Variants in CCL13 observed in about 807,000 individuals in gnomAD.
CCL13 encodes the protein C-C motif chemokine 13.
Under a neutral mutation model 6.6 loss-of-function variants are expected in CCL13, and 5 were observed. The ratio of observed to expected loss-of-function variants is 0.76; its 90% CI spans 0.40 to 1.60. The LOEUF is 1.60. Among genes scored for constraint, CCL13 ranks in the 40% most tolerant of loss-of-function variants. The pLI is 0.02. For missense variants in CCL13, 117 were observed against 114.2 expected (o/e 1.02, Z -0.11); for synonymous variants, 39 against 43.0 (o/e 0.91, Z 0.37).
chr17:34,357,918 C>T (rs1910394521), intron 2 of CCL13, 108 bp from the exon 3 acceptor site: 1 of 719,822 alleles, frequency 1.4e-6, no homozygotes, highest in Non-Finnish European at 2.3e-6. Context: ...AGGGGTGCCC[C>T]TTCACCTGTA....
rs746851613 is a variant in CCL13, at chr17:34,356,501, G to A, written c.-26G>A. ...GAGCAGAGAGGCAAAGAAACATTGT[G>A]AAATCTCCAACTCTTAACCTTCAAC... On this transcript the variant is annotated 5_prime_UTR_variant, in exon 1 of 3. Transcript: ENST00000225844. 6.4e-7 allele frequency: 1 copy of A among 1,572,818 alleles called. No homozygotes were observed. Among genetic ancestry groups the A allele is most frequent in the South Asian group, 1.1e-5 (1 of 89,816 alleles).
intron 2 of CCL13, 85 bp downstream of exon 2, chr17:34,357,674 A>G: frequency 1.2e-6 from 1 of 825,864 alleles, no homozygotes; most frequent in East Asian, 2.4e-5. Context: ...GACAGACGTC[A>G]GACTGACTTG....
At position 34,358,004 on chromosome 17, in the gene CCL13, G is replaced by T. The variant is rs771707528; in HGVS notation, c.192-22G>T. 24 of 1,567,088 alleles carry T rather than the reference G, an allele frequency of 1.5e-5. No homozygotes were observed. Among genetic ancestry groups the T allele is most frequent in the Non-Finnish European group, 2.1e-5 (24 of 1,140,418 alleles). ...CCCTCAAAGGGTTCCATCTAACTGT[G>T]CCAGATCTCCTTCCTCCACAGCTTC... On this transcript the variant is annotated intron_variant, in intron 2 of 2. Coordinates refer to ENST00000225844, the MANE Select transcript of CCL13 (RefSeq NM_005408.3).
chr17:34,356,619 C>A lies in CCL13; in HGVS notation c.76+17C>A. The A allele has an allele frequency of 1.3e-6, 2 of 1,573,692 alleles. No homozygotes were observed. Among genetic ancestry groups the A allele is most frequent in the Non-Finnish European group, 1.7e-6 (2 of 1,143,536 alleles). On this transcript the variant is annotated intron_variant, in intron 1 of 2. Transcript: ENST00000225844. ...CTCAGCCAGGTAAGTCACCTCCCTT[C>A]GACTCTCCCTCTCTTTCCCTCTGTT...
At chr17:34,356,769 G>C (rs1045593529) in intron 1 of CCL13, among the ~76,000 whole-genome samples, 167 bp downstream of exon 1, 4 of 152,130 alleles carry the variant, frequency 2.6e-5, no homozygotes, top group African/African-American at 9.7e-5. Context: ...TCACCTCCCA[G>C]GTTCAAGCGA....
Position 34,358,179 on chromosome 17 carries a change from T to C in CCL13, c.*48T>C. 1 of 1,302,298 alleles carries C rather than the reference T, an allele frequency of 7.7e-7. No homozygotes were observed. The highest frequency in any genetic ancestry group is 1.1e-6 in the Non-Finnish European group (1 of 898,436). The allele number at this position is 1,302,298 out of a possible 1,614,324, so 80.7% of individuals were successfully genotyped here. On this transcript the variant is annotated 3_prime_UTR_variant, in exon 3 of 3. Transcript: ENST00000225844. ...CAAGCTGGAGTACGTGAAATGACTT[T>C]TCCATTCTCCTCTGGCCTCCTCTTC...
At position 34,356,537 on chromosome 17, in the gene CCL13, C is replaced by G; in HGVS notation, c.11C>G (p.Ser4Cys). The stretch of plus-strand genomic sequence containing the variant: ...CTCTTAACCTTCAACATGAAAGTCT[C>G]TGCAGTGCTTCTGTGCCTGCTGCTC... MKV[S>C]AVLLCLLLMT... The change falls in exon 1 of 3, where the codon TCT (serine) becomes TGT (cysteine). Residue 4 changes from serine to cysteine, a missense_variant. Ser to Cys is a moderately radical substitution (Grantham distance 112, BLOSUM62 -1). Transcript: ENST00000225844. 1 of 1,612,834 alleles carries G rather than the reference C, an allele frequency of 6.2e-7. No homozygotes were observed. The highest frequency in any genetic ancestry group is 8.5e-7 in the Non-Finnish European group (1 of 1,178,918).
In CCL13 at chr17:34,357,633, A is replaced by G. The variant is rs375617099; in HGVS notation, c.191+44A>G. 3.5e-5 allele frequency: 41 copies of G among 1,160,228 alleles called. No individual in the cohort carries two copies. The African/African-American group carries it at 6.0e-4, about 17-fold the overall frequency. The allele number at this position is 1,160,228 out of a possible 1,614,324, so 71.9% of individuals were successfully genotyped here. On this transcript the variant is annotated intron_variant, in intron 2 of 2. Transcript: ENST00000225844. Reference sequence around the variant, plus strand: ...GCTCACCTGGCTCCTCCCCACTCCCACATTCCCCAATCCAAAGTTCTGCCC... The same window carrying G: ...GCTCACCTGGCTCCTCCCCACTCCCGCATTCCCCAATCCAAAGTTCTGCCC...
Position 34,356,684 on chromosome 17 carries a change from C to G in CCL13, c.76+82C>G. 3 of 930,822 alleles carry G rather than the reference C, an allele frequency of 3.2e-6. No homozygotes were observed. In the South Asian group the frequency reaches 4.5e-5, roughly 14 times the overall value. The allele number at this position is 930,822 out of a possible 1,614,324, so 57.7% of individuals were successfully genotyped here. ...AGACCTAAGCCCGAGTGCTCCTCCA[C>G]TTTTTTTTTAGATTGAGTCTCATTA... On this transcript the variant is annotated intron_variant, in intron 1 of 2. Transcript: ENST00000225844.
intron 1 of CCL13, 82 bp downstream of exon 1, chr17:34,356,684 C>A: frequency 1.1e-6 from 1 of 930,822 alleles, no homozygotes; most frequent in Non-Finnish European, 1.7e-6. Context: ...TGCTCCTCCA[C>A]TTTTTTTTTA....
rs762590641 is a variant in CCL13 at position 34,357,793 on chromosome 17, G to A, written c.191+204G>A. ...ATTTCCCACACCTTGTTTCCTGGAT[G>A]GGCACCAGCCCACACCCTTTAGCAG... On this transcript the variant is annotated intron_variant, in intron 2 of 2. Coordinates refer to ENST00000225844, the MANE Select transcript of CCL13 (RefSeq NM_005408.3). Among the ~76,000 whole-genome samples, 152 of 152,326 alleles carry A rather than the reference G, an allele frequency of 1.0e-3. 1 individual carries two copies. Among genetic ancestry groups the A allele is most frequent in the Middle Eastern group, 3.4e-3 (1 of 294 alleles).
chr17:34,357,700 A>G (rs1257412793), intron 2 of CCL13, 111 bp downstream of exon 2: 3 of 723,488 alleles, frequency 4.1e-6, no homozygotes, highest in Non-Finnish European at 4.9e-6. Context: ...TTAGGATGAG[A>G]TCTAGCCAGA....
chr17:34,358,039 C>G lies in CCL13; in HGVS notation c.205C>G (p.Leu69Val). 6.2e-7 allele frequency: 1 copy of G among 1,612,702 alleles called. No homozygotes were observed. Among genetic ancestry groups the G allele is most frequent in the Non-Finnish European group, 8.5e-7 (1 of 1,179,452 alleles). The change falls in exon 3 of 3, where the codon CTG becomes GTG. Residue 69 changes from leucine (L) to valine (V), a missense_variant. By Grantham distance (32) the Leu-to-Val change is conservative. Coordinates refer to ENST00000225844, the MANE Select transcript of CCL13 (RefSeq NM_005408.3). Reference protein sequence around the residue: ...PQKAVIFRTKLGKEICADPKE... With the variant: ...PQKAVIFRTKVGKEICADPKE... ...CTTCCTCCACAGCTTCAGAACCAAACTGGGCAAGGAGATCTGTGCTGACCC... is the reference window on the plus strand; with the variant it reads ...CTTCCTCCACAGCTTCAGAACCAAAGTGGGCAAGGAGATCTGTGCTGACCC...
chr17:34,357,566 C>A lies in CCL13; in HGVS notation c.168C>A (p.Ser56Arg). The A allele has an allele frequency of 6.2e-7, 1 of 1,611,592 alleles. No individual in the cohort carries two copies. The highest frequency in any genetic ancestry group is 8.5e-7 in the Non-Finnish European group (1 of 1,177,786). Reference sequence around the variant, plus strand: ...TGAAGAGCTATGTGATCACCACCAGCAGGTGTCCCCAGAAGGCTGTCATGT... The same window carrying A: ...TGAAGAGCTATGTGATCACCACCAGAAGGTGTCCCCAGAAGGCTGTCATGT... Reference protein sequence around the residue: ...QRLKSYVITTSRCPQKAVIFR... With the variant: ...QRLKSYVITTRRCPQKAVIFR... The change falls in exon 2 of 3, where the codon AGC becomes AGA. Residue 56 changes from serine (S) to arginine (R), a missense_variant. Ser to Arg is a moderately radical substitution (Grantham distance 110). Transcript: ENST00000225844.
rs137918947 is a variant in CCL13, at chr17:34,358,073, A to T, written c.239A>T (p.Lys80Met). 58 of 1,614,044 alleles carry T rather than the reference A, an allele frequency of 3.6e-5. 1 individual carries two copies. The African/African-American group carries it at 5.9e-4, about 16-fold the overall frequency. Residue 80 changes from lysine (K) to methionine (M), a missense_variant, in exon 3 of 3, where the codon AAG becomes ATG. Physicochemically the swap from Lys to Met is moderately conservative, Grantham distance 95. Transcript: ENST00000225844. ...GAGATCTGTGCTGACCCAAAGGAGAAGTGGGTCCAGAATTATATGAAACAC... is the reference window on the plus strand; with the variant it reads ...GAGATCTGTGCTGACCCAAAGGAGATGTGGGTCCAGAATTATATGAAACAC... Reference protein sequence around the residue: ...GKEICADPKEKWVQNYMKHLG... With the variant: ...GKEICADPKEMWVQNYMKHLG...
chr17:34,357,994 A>G (rs1375084064), intron 2 of CCL13, 32 bp from the exon 3 acceptor site: 1 of 1,516,852 alleles, frequency 6.6e-7, no homozygotes, highest in South Asian at 1.1e-5. Flanking sequence ...AAAGGGTTCC[A>G]TCTAACTGTG....
rs998099977 is a variant in CCL13 at position 34,358,610 on chromosome 17, A to T, written c.*479A>T. 2 of 212,170 alleles carry T rather than the reference A, an allele frequency of 9.4e-6. No individual in the cohort carries two copies. The highest frequency in any genetic ancestry group is 3.5e-4 in the East Asian group (2 of 5,762). The allele number at this position is 212,170 out of a possible 1,614,324, so 13.1% of individuals were successfully genotyped here. A position where few individuals can be genotyped will look rare whatever the true frequency, so the allele number is the denominator to read the frequency against. On this transcript the variant is annotated 3_prime_UTR_variant, in exon 3 of 3. Coordinates refer to ENST00000225844, the MANE Select transcript of CCL13 (RefSeq NM_005408.3). ...AAATACATTTTATTTAAAATCTCCTACACAGTGGTGTTTTCTTCAGGAGTA... is the reference window on the plus strand; with the variant it reads ...AAATACATTTTATTTAAAATCTCCTTCACAGTGGTGTTTTCTTCAGGAGTA...
Position 34,358,106 on chromosome 17 carries a change from G to A in CCL13, c.272G>A (p.Arg91Gln), listed in dbSNP as rs187454526. Residue 91 changes from arginine (R) to glutamine (Q), a missense_variant, in exon 3 of 3, where the codon CGG (arginine) becomes CAG (glutamine). Arg to Gln is a conservative substitution (Grantham distance 43, BLOSUM62 1). Transcript: ENST00000225844. ...WVQNYMKHLG[R>Q]KAHTLKT is the part of the protein sequence containing the mutation. ...CAGAATTATATGAAACACCTGGGCC[G>A]GAAAGCTCACACCCTGAAGACTTGA... 2.2e-5 allele frequency: 35 copies of A among 1,613,630 alleles called. No individual in the cohort carries two copies. The highest frequency in any genetic ancestry group is 2.5e-5 in the Non-Finnish European group (30 of 1,179,612).
Position 34,356,599 on chromosome 17 carries a change from C to T in CCL13, c.73C>T (p.Pro25Ser). The part of the protein sequence containing the change: ...AAFNPQGLAQ[P>S]DALNVPSTCC... ...TTTCAACCCCCAGGGACTTGCTCAG[C>T]CAGGTAAGTCACCTCCCTTCGACTC... is the stretch of plus-strand genomic sequence containing the variant. Residue 25 changes from proline (P) to serine (S), a missense_variant, in exon 1 of 3, where the codon CCA becomes TCA. Transcript: ENST00000225844. The T allele has an allele frequency of 6.2e-7, 1 of 1,610,138 alleles. No individual in the cohort carries two copies. Among genetic ancestry groups the T allele is most frequent in the South Asian group, 1.1e-5 (1 of 90,968 alleles).
Sources: gnomAD v4.1 joint callset for allele counts (sites outside exome capture counted in the v4.1 genomes callset) on GRCh38, gnomAD v4.1.1 for gene constraint, MANE v1.5 for transcripts, NCBI Gene and HGNC (gene_info 2026-07-23, HGNC 2026-07-21) for gene names.